The following FBXL18 variants were observed in gnomAD, a reference collection of about 807,000 sequenced individuals.
FBXL18 encodes the protein F-box and leucine rich repeat protein 18.
FBXL18 carries 36 observed loss-of-function variants against 46.0 expected under a neutral mutation model. That is an observed-to-expected ratio of 0.78 (90% CI 0.60 to 1.03). FBXL18 has a LOEUF of 1.03. FBXL18 is among the 50% of genes least tolerant of loss of function. The pLI is 0.00. For missense variants in FBXL18, 977 were observed against 1,004.1 expected, an observed-to-expected ratio of 0.97 and a Z score of 0.36; for synonymous variants, 557 against 465.3, an observed-to-expected ratio of 1.20 and a Z score of -2.54.
In FBXL18 at chr7:5,479,342, G is replaced by C. The variant is rs570759116; in HGVS notation, c.*2433C>G. ...GAGCAGACGCAATTCTCTAGCCCGA[G>C]TGGGGAATGTTCTGGAGGAAGGAGT... is the stretch of plus-strand genomic sequence containing the variant. On this transcript the variant is annotated 3_prime_UTR_variant, in exon 5 of 5. Transcript: ENST00000382368. 53 of 152,412 alleles carry C rather than the reference G, an allele frequency of 3.5e-4. No individual in the cohort carries two copies. Among genetic ancestry groups the C allele is most frequent in the African/African-American group, 1.1e-3 (47 of 41,578 alleles). 9.4% of individuals were successfully genotyped at this position (152,412 alleles called of 1,614,324 possible).
intron 4 of FBXL18, among the ~76,000 whole-genome samples, chr7:5,460,879 C>G (rs144471608): frequency 4.6e-5 from 7 of 152,208 alleles, no homozygotes; most frequent in Non-Finnish European, 8.8e-5. Flanking sequence ...GCTGCAAGGG[C>G]GTTCTCACCT....
rs1784373174 is a variant in FBXL18 at position 5,505,528 on chromosome 7, T to A, written c.121A>T (p.Ser41Cys). Residue 41 changes from serine (S) to cysteine (C), a missense_variant, in exon 2 of 5, where the codon AGT becomes TGT. Coordinates refer to ENST00000382368, the MANE Select transcript of FBXL18 (RefSeq NM_024963.6). Reference protein sequence around the residue: ...FSDEILLHILSHVPSTDLILN... With the variant: ...FSDEILLHILCHVPSTDLILN... ...ATCAGATCTGTGCTGGGGACGTGACTCAGGATGTGAAGGAGGATCTCATCA... is the reference window on the plus strand; with the variant it reads ...ATCAGATCTGTGCTGGGGACGTGACACAGGATGTGAAGGAGGATCTCATCA... 1 of 1,614,020 alleles carries A rather than the reference T, an allele frequency of 6.2e-7. No homozygotes were observed. The highest frequency in any genetic ancestry group is 8.5e-7 in the Non-Finnish European group (1 of 1,180,012).
Position 5,500,725 on chromosome 7 carries a change from C to G in FBXL18, c.1544G>C (p.Arg515Pro). The change falls in exon 3 of 5, where the codon CGC becomes CCC. Residue 515 changes from arginine to proline, a missense_variant. Physicochemically the swap from Arg to Pro is moderately radical, Grantham distance 103. Transcript: ENST00000382368. ...AIRNSLPPCS[R>P]AQSVGDSEVA... The stretch of plus-strand genomic sequence containing the variant: ...CTCCGAGTCCCCGACACTCTGTGCG[C>G]GGCTGCAGGGTGGGAGCGAGTTGCG... 6.2e-7 allele frequency: 1 copy of G among 1,612,084 alleles called. No homozygotes were observed. The highest frequency in any genetic ancestry group is 8.5e-7 in the Non-Finnish European group (1 of 1,179,502).
Sources: allele counts gnomAD v4.1 joint callset (sites outside exome capture counted in the v4.1 genomes callset), GRCh38; gene constraint gnomAD v4.1.1; transcripts MANE v1.5; gene names NCBI Gene and HGNC (gene_info 2026-07-23, HGNC 2026-07-21).